SUCLG2: variants seen among roughly 807,000 people sequenced by gnomAD.
SUCLG2 encodes succinate--CoA ligase [GDP-forming] subunit beta, mitochondrial.
In SUCLG2, 42 loss-of-function variants were observed where a neutral mutation model predicts 47.9. That is an observed-to-expected ratio of 0.88 (90% CI 0.69 to 1.14). The LOEUF (loss-of-function observed/expected upper bound fraction) is 1.14. Among genes scored for constraint, SUCLG2 ranks in the 50% most tolerant of loss-of-function variants. SUCLG2 has a pLI of 0.00. For synonymous variants in SUCLG2, 195 were observed against 197.3 expected, an observed-to-expected ratio of 0.99 and a Z score of 0.10; for missense variants, 571 against 525.9, an observed-to-expected ratio of 1.09 and a Z score of -0.84.
chr3:67,528,736 G>A (rs73836535), intron 3 of SUCLG2, among the ~76,000 whole-genome samples: 1,688 of 152,314 alleles, frequency 0.011, 45 homozygotes, highest in African/African-American at 0.039. Context: ...AGGTACCCCA[G>A]ATGCCACTGG....
chr3:67,460,185 C>T (rs904401034), intron 9 of SUCLG2, among the ~76,000 whole-genome samples: 12 of 152,136 alleles, frequency 7.9e-5, no homozygotes, highest in Admixed American at 5.2e-4. Flanking sequence ...TAAATCACTA[C>T]TGATTGAAGT....
intron 2 of SUCLG2, among the ~76,000 whole-genome samples, chr3:67,582,448 T>C (rs1707906348): frequency 6.6e-6 from 1 of 152,206 alleles, no homozygotes. Flanking sequence ...GACATGTTCT[T>C]GCTCTTTTTT....
chr3:67,610,315 C>T (rs1700504949), intron 1 of SUCLG2, among the ~76,000 whole-genome samples: 1 of 152,136 alleles, frequency 6.6e-6, no homozygotes, highest in Admixed American at 6.5e-5. Context: ...TCCTAAACTG[C>T]AACTTGTGTA....
chr3:67,610,065 CAAAT>C (rs1700500523), intron 1 of SUCLG2, among the ~76,000 whole-genome samples: 1 of 152,118 alleles, frequency 6.6e-6, no homozygotes, highest in African/African-American at 2.4e-5. Context: ...CTTCTCACCC[CAAAT>C]AAATAAAGAG....
At chr3:67,441,427 G>T (rs913461013) in intron 9 of SUCLG2, among the ~76,000 whole-genome samples, 49 of 151,870 alleles carry the variant, frequency 3.2e-4, no homozygotes, top group Admixed American at 7.9e-4. Context: ...GTCATGTGTA[G>T]CCCTATGGAG....
At chr3:67,535,608 A>T (rs1452188351) in intron 2 of SUCLG2, among the ~76,000 whole-genome samples, 1 of 152,140 alleles carries the variant, frequency 6.6e-6, no homozygotes, top group Non-Finnish European at 1.5e-5. Context: ...TAAATAAATG[A>T]ATTACCCATC....
At chr3:67,548,133 T>C (rs1337277313) in intron 2 of SUCLG2, among the ~76,000 whole-genome samples, 1 of 151,410 alleles carries the variant, frequency 6.6e-6, no homozygotes, top group African/African-American at 2.4e-5. Flanking sequence ...TATTTCTATT[T>C]AGCAAATGAC....
intron 1 of SUCLG2, among the ~76,000 whole-genome samples, chr3:67,640,030 T>C (rs1313421011): frequency 6.6e-6 from 1 of 151,566 alleles, no homozygotes; most frequent in East Asian, 1.9e-4. Flanking sequence ...GGAGATAGCA[T>C]AATTAAAAAA....
chr3:67,411,424 G>GT (rs1427882617), intron 9 of SUCLG2, among the ~76,000 whole-genome samples: 1 of 152,034 alleles, frequency 6.6e-6, no homozygotes, highest in African/African-American at 2.4e-5. Flanking sequence ...AAACCTATTT[G>GT]ATCATTTAGT....
At chr3:67,629,910 T>C (rs1031260901) in intron 1 of SUCLG2, among the ~76,000 whole-genome samples, 1 of 152,150 alleles carries the variant, frequency 6.6e-6, no homozygotes, top group Non-Finnish European at 1.5e-5. Context: ...ATACCACACA[T>C]TACATGCTAG....
intron 10 of SUCLG2, among the ~76,000 whole-genome samples, chr3:67,399,547 C>T (rs571996452): frequency 1.2e-4 from 18 of 152,314 alleles, no homozygotes; most frequent in African/African-American, 3.1e-4. Context: ...CAATGTGCAC[C>T]TGCCCTGTGA....
intron 2 of SUCLG2, among the ~76,000 whole-genome samples, chr3:67,569,864 A>T (rs1707561966): frequency 6.6e-6 from 1 of 152,192 alleles, no homozygotes; most frequent in South Asian, 2.1e-4. Flanking sequence ...AAGAGGAAAC[A>T]AATCAGGGAT....
At chr3:67,396,441 T>G (rs992543698) in intron 10 of SUCLG2, among the ~76,000 whole-genome samples, 3 of 151,968 alleles carry the variant, frequency 2.0e-5, no homozygotes, top group Non-Finnish European at 2.9e-5. Flanking sequence ...ATAAATTCCT[T>G]GACACATACA....
At chr3:67,539,907 C>T (rs1213370918) in intron 2 of SUCLG2, among the ~76,000 whole-genome samples, 9 of 151,932 alleles carry the variant, frequency 5.9e-5, no homozygotes, top group Non-Finnish European at 1.0e-4. Context: ...GTGGTGATAT[C>T]CCCTTTATCA....
chr3:67,455,901 G>T (rs533999460), intron 9 of SUCLG2, among the ~76,000 whole-genome samples: 21 of 152,136 alleles, frequency 1.4e-4, no homozygotes, highest in Admixed American at 3.3e-4. Context: ...GGGGTAAGGG[G>T]CACTGTTGTG....
At chr3:67,392,422 G>A (rs1191713102) in intron 10 of SUCLG2, among the ~76,000 whole-genome samples, 4 of 152,148 alleles carry the variant, frequency 2.6e-5, no homozygotes, top group South Asian at 4.1e-4. Context: ...TTTACCACAC[G>A]TAAACATTAG....
At chr3:67,525,103 A>G (rs1480603730) in intron 4 of SUCLG2, among the ~76,000 whole-genome samples, 1 of 152,240 alleles carries the variant, frequency 6.6e-6, no homozygotes, top group African/African-American at 2.4e-5. Context: ...TGCTGAAAAC[A>G]ATACAATGCT....
At chr3:67,598,693 G>A (rs886389407) in intron 2 of SUCLG2, among the ~76,000 whole-genome samples, 37 of 152,174 alleles carry the variant, frequency 2.4e-4, no homozygotes, top group African/African-American at 8.4e-4. Context: ...ATCACCCAGT[G>A]TATGCTGTGA....
chr3:67,652,280 A>C (rs1007997469), intron 1 of SUCLG2, among the ~76,000 whole-genome samples: 30 of 152,182 alleles, frequency 2.0e-4, no homozygotes, highest in African/African-American at 7.0e-4. Flanking sequence ...GAGACCAGTT[A>C]AAGTTATTTC....
Sources: allele counts gnomAD v4.1 joint callset (sites outside exome capture counted in the v4.1 genomes callset), GRCh38; gene constraint gnomAD v4.1.1; transcripts MANE v1.5; gene names NCBI Gene and HGNC (gene_info 2026-07-23, HGNC 2026-07-21).